Variants in MORC4 observed in about 807,000 individuals in gnomAD.
The protein encoded by MORC4 is MORC family CW-type zinc finger protein 4.
In MORC4, 22 loss-of-function variants were observed where a neutral mutation model predicts 65.5. That is an observed-to-expected ratio of 0.34 (90% CI 0.24 to 0.48). MORC4 has a LOEUF of 0.48. MORC4 is among the 20% of genes least tolerant of loss of function. The pLI is 0.99. For missense variants in MORC4, 624 were observed against 703.0 expected (o/e 0.89, Z 1.27); for synonymous variants, 267 against 255.8 (o/e 1.04, Z -0.42).
At chrX:106,996,805 G>A (rs7057213) in intron 2 of MORC4, among the ~76,000 whole-genome samples, 2,111 of 111,868 alleles carry the variant, frequency 0.019, 52 homozygotes, top group African/African-American at 0.065. Context: ...CTATCCCTTC[G>A]TGGGAGGACC....
chrX:106,989,567 T>C lies in MORC4; in HGVS notation c.309-3367A>G, dbSNP rs748648773. 6.2e-5 allele frequency among the ~76,000 whole-genome samples: 7 copies of C among 112,003 alleles called. No individual in the cohort carries two copies. The South Asian group carries it at 2.2e-3, about 35-fold the overall frequency. On this transcript the variant is annotated intron_variant, in intron 3 of 16. Transcript: ENST00000355610. Reference sequence around the variant, plus strand: ...ATTTTTTCCAAATACAAAAGTAATATGCCTTCAAGTAGAAAACAGCACCAG... The same window carrying C: ...ATTTTTTCCAAATACAAAAGTAATACGCCTTCAAGTAGAAAACAGCACCAG...
intron 2 of MORC4, among the ~76,000 whole-genome samples, chrX:106,995,703 T>C (rs934058370): frequency 2.7e-5 from 3 of 112,485 alleles, no homozygotes; most frequent in Non-Finnish European, 5.6e-5. Context: ...GCCTATATAA[T>C]GTGGCAAGAC....
chrX:106,954,177 G>C (rs1190036697), intron 14 of MORC4, among the ~76,000 whole-genome samples: 1 of 112,541 alleles, frequency 8.9e-6, no homozygotes, highest in Non-Finnish European at 1.9e-5. Flanking sequence ...CCTTGTCCCT[G>C]CCCTATATGG....
chrX:106,984,810 A>C (rs759644444), intron 5 of MORC4, among the ~76,000 whole-genome samples: 15 of 109,282 alleles, frequency 1.4e-4, no homozygotes, highest in Admixed American at 4.0e-4. Context: ...GTTACATAAA[A>C]GTATGCAATG....
At chrX:106,942,360 G>T in intron 15 of MORC4, 139 bp from the exon 16 acceptor site, 1 of 874,645 alleles carries the variant, frequency 1.1e-6, no homozygotes, top group Non-Finnish European at 1.6e-6. Context: ...TGGGCAGGAA[G>T]CCTACTACAG....
At chrX:106,998,552 A>G (rs369509144) in intron 2 of MORC4, among the ~76,000 whole-genome samples, 1 of 112,369 alleles carries the variant, frequency 8.9e-6, no homozygotes, top group African/African-American at 3.2e-5. Flanking sequence ...TGTAAATTAC[A>G]TACTTAACTT....
chrX:106,941,755 A>G, intron 16 of MORC4, 123 bp from the exon 17 acceptor site: 1 of 848,283 alleles, frequency 1.2e-6, no homozygotes, highest in Non-Finnish European at 1.7e-6. Flanking sequence ...TTAGCTAGAA[A>G]GAAGAAAGCA....
chrX:106,960,631 G>A (rs1934215392), intron 10 of MORC4, among the ~76,000 whole-genome samples: 1 of 111,930 alleles, frequency 8.9e-6, no homozygotes, highest in African/African-American at 3.3e-5. Flanking sequence ...AACAGTGCCT[G>A]ACATATAAGT....
chrX:106,965,669 G>GA (rs1934356707), intron 9 of MORC4, among the ~76,000 whole-genome samples: 1 of 112,132 alleles, frequency 8.9e-6, no homozygotes, highest in South Asian at 3.7e-4. Flanking sequence ...AAGCTTGACA[G>GA]AAAAAAACCT....
chrX:106,976,386 TCAA>T (rs1934626153), intron 9 of MORC4, among the ~76,000 whole-genome samples, 195 bp downstream of exon 9: 1 of 112,126 alleles, frequency 8.9e-6, no homozygotes, highest in African/African-American at 3.2e-5. Context: ...AAGGTTTATC[TCAA>T]CGAGACTCCA....
intron 8 of MORC4, among the ~76,000 whole-genome samples, chrX:106,977,449 T>A: frequency 8.9e-6 from 1 of 111,998 alleles, no homozygotes. Flanking sequence ...GGGATACTTG[T>A]AGACATTACT....
At chrX:106,996,155 C>T (rs764447869) in intron 2 of MORC4, among the ~76,000 whole-genome samples, 2 of 108,677 alleles carry the variant, frequency 1.8e-5, no homozygotes, top group African/African-American at 6.7e-5. Flanking sequence ...CTCTTTACTG[C>T]AAGTTTTGCC....
rs1569297657 is a variant in MORC4 at position 106,954,985 on chromosome X, G to A, written c.1613C>T (p.Ser538Phe). ...EGIHSPSVLP[S>F]GGEESRSPSL... Reference sequence around the variant, plus strand: ...TGGTGATCTGCTTTCTTCTCCACCAGAAGGAAGCACACTAGGGCTATGAAT... The same window carrying A: ...TGGTGATCTGCTTTCTTCTCCACCAAAAGGAAGCACACTAGGGCTATGAAT... Residue 538 changes from serine to phenylalanine, a missense_variant, in exon 14 of 17, where the codon TCT (serine) becomes TTT (phenylalanine). Transcript: ENST00000355610. 8.3e-7 allele frequency: 1 copy of A among 1,209,109 alleles called. No individual in the cohort carries two copies. The highest frequency in any genetic ancestry group is 3.0e-5 in the East Asian group (1 of 33,816).
At chrX:106,956,199 C>G (rs757821967) in intron 13 of MORC4, among the ~76,000 whole-genome samples, 1 of 111,745 alleles carries the variant, frequency 8.9e-6, no homozygotes, top group South Asian at 3.9e-4. Flanking sequence ...TGAAACACAA[C>G]CCTGAATATT....
intron 13 of MORC4, 45 bp downstream of exon 13, chrX:106,956,435 G>A (rs200662825): frequency 9.3e-7 from 1 of 1,071,762 alleles, no homozygotes; most frequent in Non-Finnish European, 1.3e-6. Context: ...TTTCTGTTGG[G>A]GAAAATGTTG....
chrX:106,995,845 C>CT (rs1171901122), intron 2 of MORC4, among the ~76,000 whole-genome samples: 1 of 112,119 alleles, frequency 8.9e-6, no homozygotes, highest in Non-Finnish European at 1.9e-5. Flanking sequence ...CATTACACAG[C>CT]TGCCTACACT....
rs1934110527 is a variant in MORC4, at chrX:106,956,540, A to T, written c.1455-6T>A. On this transcript the variant is annotated splice_polypyrimidine_tract_variant and splice_region_variant and intron_variant, in intron 12 of 16. Coordinates refer to ENST00000355610, the MANE Select transcript of MORC4 (RefSeq NM_024657.5). ...TCTCCTCAACAGTTTGTTCTCTAGG[A>T]GAAGATAAAAGTGCTATTTAGTTCA... 2 of 1,186,740 alleles carry T rather than the reference A, an allele frequency of 1.7e-6. No individual in the cohort carries two copies. Among genetic ancestry groups the T allele is most frequent in the Admixed American group, 2.2e-5 (1 of 45,936 alleles).
chrX:106,995,682 G>A (rs1935065438), intron 2 of MORC4, among the ~76,000 whole-genome samples: 1 of 112,237 alleles, frequency 8.9e-6, no homozygotes, highest in African/African-American at 3.2e-5. Flanking sequence ...GGACCAGGTT[G>A]GGGGCCTAGG....
At chrX:106,978,754 G>C (rs1776431297) in intron 7 of MORC4, among the ~76,000 whole-genome samples, 2 of 111,059 alleles carry the variant, frequency 1.8e-5, no homozygotes, top group Non-Finnish European at 3.8e-5. Flanking sequence ...TTGCTGCTAG[G>C]GCACATAGGT....
Sources: gnomAD v4.1 joint callset for allele counts (sites outside exome capture counted in the v4.1 genomes callset) on GRCh38, gnomAD v4.1.1 for gene constraint, MANE v1.5 for transcripts, NCBI Gene and HGNC (gene_info 2026-07-23, HGNC 2026-07-21) for gene names.